The following DSCAM variants were observed in gnomAD, a reference collection of about 807,000 sequenced individuals.
The protein encoded by DSCAM is DS cell adhesion molecule.
Under a neutral mutation model 217.7 loss-of-function variants are expected in DSCAM, and 47 were observed. The ratio of observed to expected loss-of-function variants is 0.22; its 90% confidence interval spans 0.17 to 0.28. The LOEUF (loss-of-function observed/expected upper bound fraction) is 0.28. Among genes scored for constraint, DSCAM ranks in the 10% least tolerant of loss-of-function variants. The probability of loss-of-function intolerance (pLI) is 1.00; values close to 1 mark genes in which losing one functional copy is unlikely to be tolerated. For missense variants in DSCAM, 2,080 were observed against 2,618.3 expected, an observed-to-expected ratio of 0.79 and a Z score of 4.49; for synonymous variants, 1,056 against 1,015.3, an observed-to-expected ratio of 1.04 and a Z score of -0.76.
At chr21:40,296,404 T>C (rs985626343) in intron 9 of DSCAM, among the ~76,000 whole-genome samples, 2 of 152,328 alleles carry the variant, frequency 1.3e-5, no homozygotes, top group East Asian at 3.9e-4. Flanking sequence ...TAAAAGCCCT[T>C]TGAACTAGGG....
chr21:40,693,977 G>A (rs1047072307), intron 2 of DSCAM, among the ~76,000 whole-genome samples: 4 of 152,214 alleles, frequency 2.6e-5, no homozygotes, highest in South Asian at 2.1e-4. Flanking sequence ...TATACCATGG[G>A]GATGATGTTG....
chr21:40,310,055 A>G (rs552915961), intron 9 of DSCAM, among the ~76,000 whole-genome samples: 2 of 152,298 alleles, frequency 1.3e-5, no homozygotes, highest in South Asian at 2.1e-4. Context: ...AAACCTGTGG[A>G]TTTTACAAAT....
chr21:40,738,658 C>CG (rs2091089406), intron 1 of DSCAM, among the ~76,000 whole-genome samples: 1 of 152,118 alleles, frequency 6.6e-6, no homozygotes, highest in Admixed American at 6.5e-5. Flanking sequence ...AGACAGATTG[C>CG]GGGGCCCCAC....
intron 1 of DSCAM, among the ~76,000 whole-genome samples, chr21:40,730,412 A>C (rs2091000147): frequency 6.6e-6 from 1 of 152,184 alleles, no homozygotes; most frequent in African/African-American, 2.4e-5. Context: ...TAAAGTCTGA[A>C]AGTTATTACT....
intron 10 of DSCAM, among the ~76,000 whole-genome samples, chr21:40,277,961 T>C (rs553615077): frequency 6.6e-6 from 1 of 151,856 alleles, no homozygotes; most frequent in African/African-American, 2.4e-5. Context: ...ACAGATAACA[T>C]GATTTTCTAC....
At chr21:40,120,874 A>G (rs765561924) in intron 20 of DSCAM, among the ~76,000 whole-genome samples, 5 of 150,404 alleles carry the variant, frequency 3.3e-5, no homozygotes, top group Non-Finnish European at 5.9e-5. Flanking sequence ...CAGACATTAT[A>G]TGTCACATAT....
chr21:40,593,085 T>A (rs900662800), intron 3 of DSCAM, among the ~76,000 whole-genome samples: 2 of 152,226 alleles, frequency 1.3e-5, no homozygotes, highest in African/African-American at 4.8e-5. Flanking sequence ...TGAAGTGTGG[T>A]ACTGCCTTAG....
Position 40,551,856 on chromosome 21 carries a change from T to C in DSCAM, c.508+140954A>G. On this transcript the variant is annotated intron_variant, in intron 3 of 32. Coordinates refer to ENST00000400454, the MANE Select transcript of DSCAM (RefSeq NM_001389.5). ...AGAGTGTATAATGAGACATGTCTGA[T>C]GGCCTCTGTTCCTGTCATGGCCTGA... 1.3e-5 allele frequency among the ~76,000 whole-genome samples: 2 copies of C among 152,194 alleles called. 1 individual carries two copies. Among genetic ancestry groups the C allele is most frequent in the Admixed American group, 1.3e-4 (2 of 15,290 alleles).
chr21:40,167,184 A>G (rs1022813213), intron 16 of DSCAM, 34 bp downstream of exon 16: 18 of 1,596,268 alleles, frequency 1.1e-5, no homozygotes, highest in African/African-American at 4.0e-5. Flanking sequence ...CCTGGGGGGA[A>G]AGCACCGAGA....
At chr21:40,411,082 G>T (rs914308026) in intron 3 of DSCAM, among the ~76,000 whole-genome samples, 7 of 151,690 alleles carry the variant, frequency 4.6e-5, no homozygotes, top group Non-Finnish European at 1.0e-4. Context: ...ATAGTAGCAA[G>T]TCTAGCAGGG....
In DSCAM at chr21:40,677,360, G is replaced by A. The variant is rs371954179; in HGVS notation, c.508+15450C>T. Reference sequence around the variant, plus strand: ...AACATCTATATCAGGCATTTTAATGGAGTATGAATCCCTGGTTAATCTGGG... The same window carrying A: ...AACATCTATATCAGGCATTTTAATGAAGTATGAATCCCTGGTTAATCTGGG... On this transcript the variant is annotated intron_variant, in intron 3 of 32. Transcript: ENST00000400454. Among the ~76,000 whole-genome samples, 689 of 152,064 alleles carry A rather than the reference G, an allele frequency of 4.5e-3. 6 individuals are homozygous for A. In the South Asian group the frequency reaches 0.051, roughly 11 times the overall value.
chr21:40,382,860 T>C (rs535343277), intron 3 of DSCAM, among the ~76,000 whole-genome samples: 7 of 152,346 alleles, frequency 4.6e-5, no homozygotes, highest in Non-Finnish European at 8.8e-5. Flanking sequence ...AATAAAATCA[T>C]GTAGCAACTG....
chr21:40,447,694 T>C lies in DSCAM; in HGVS notation c.509-78449A>G, dbSNP rs1247634570. Among the ~76,000 whole-genome samples, 4 of 152,214 alleles carry C rather than the reference T, an allele frequency of 2.6e-5. No homozygotes were observed. The South Asian group carries it at 6.2e-4, about 24-fold the overall frequency. On this transcript the variant is annotated intron_variant, in intron 3 of 32. Coordinates refer to ENST00000400454, the MANE Select transcript of DSCAM (RefSeq NM_001389.5). The stretch of plus-strand genomic sequence containing the variant: ...TATGGCAACTCTGAATACAATACAT[T>C]TGTACTTTCAGCAACAATAATCATT...
chr21:40,520,836 TATGTAGTGTG>T lies in DSCAM; in HGVS notation c.509-151601_509-151592del, dbSNP rs1296593594. Among the ~76,000 whole-genome samples the T allele has an allele frequency of 5.9e-5, 9 of 152,064 alleles. No individual in the cohort carries two copies. In the East Asian group the frequency reaches 7.7e-4, roughly 13 times the overall value. On this transcript the variant is annotated intron_variant, in intron 3 of 32. Coordinates refer to ENST00000400454, the MANE Select transcript of DSCAM (RefSeq NM_001389.5). ...AAAATAAATAAATAAATAGAAAATATATGTAGTGTGATGTAGTGTGTATATAAGGAATTGC... is the reference window on the plus strand; with the variant it reads ...AAAATAAATAAATAAATAGAAAATATATGTAGTGTGTATATAAGGAATTGC...
intron 3 of DSCAM, among the ~76,000 whole-genome samples, chr21:40,489,690 G>C (rs1242294927): frequency 6.9e-6 from 1 of 144,776 alleles, no homozygotes; most frequent in Admixed American, 7.2e-5. Flanking sequence ...CAGGAGAATG[G>C]CGTGAACCCG....
chr21:40,547,839 G>C (rs750605272), intron 3 of DSCAM, among the ~76,000 whole-genome samples: 4 of 152,184 alleles, frequency 2.6e-5, no homozygotes, highest in Non-Finnish European at 5.9e-5. Context: ...TGGAACAATG[G>C]AATGTCCTTG....
intron 3 of DSCAM, among the ~76,000 whole-genome samples, chr21:40,639,273 T>C (rs1272198003): frequency 1.3e-5 from 2 of 152,130 alleles, no homozygotes; most frequent in Non-Finnish European, 2.9e-5. Context: ...CTCCCATCAC[T>C]GTAAAATAAT....
chr21:40,415,490 C>A (rs1373741158), intron 3 of DSCAM, among the ~76,000 whole-genome samples: 2 of 152,236 alleles, frequency 1.3e-5, no homozygotes, highest in African/African-American at 2.4e-5. Context: ...GGTCACTGTG[C>A]AAGATGCTGA....
In DSCAM at chr21:40,766,846, T is replaced by C. The variant is rs184312060; in HGVS notation, c.44-58075A>G. ...CTGGAATTACAGGTGCATGCCACCATGCCTAATTTTTATATTTTTAGTAAA... is the reference window on the plus strand; with the variant it reads ...CTGGAATTACAGGTGCATGCCACCACGCCTAATTTTTATATTTTTAGTAAA... On this transcript the variant is annotated intron_variant, in intron 1 of 32. Transcript: ENST00000400454. Among the ~76,000 whole-genome samples the C allele has an allele frequency of 1.1e-3, 165 of 152,056 alleles. 1 individual carries two copies. Among genetic ancestry groups the C allele is most frequent in the Non-Finnish European group, 2.1e-3 (143 of 67,984 alleles).
Sources: allele counts gnomAD v4.1 joint callset (sites outside exome capture counted in the v4.1 genomes callset), GRCh38; gene constraint gnomAD v4.1.1; transcripts MANE v1.5; gene names NCBI Gene and HGNC (gene_info 2026-07-23, HGNC 2026-07-21).